The following INVS variants were observed in gnomAD, a reference collection of about 807,000 sequenced individuals.
The protein encoded by INVS is inversin, also known as inversion of embryo turning homolog.
INVS carries 86 observed loss-of-function variants against 108.8 expected under a neutral mutation model. The ratio of observed to expected loss-of-function variants is 0.79; its 90% CI spans 0.66 to 0.95. INVS has a LOEUF of 0.95. Ranked by LOEUF, INVS falls within the 40% of genes least tolerant of loss-of-function variation. The pLI, the probability that INVS is intolerant of heterozygous loss-of-function variation, is 0.00. For missense variants in INVS, 1,169 were observed against 1,297.4 expected (o/e 0.90, Z 1.52); for synonymous variants, 455 against 473.5 (o/e 0.96, Z 0.51).
chr9:100,104,489 T>G lies in INVS; in HGVS notation c.-24-9T>G. 7.6e-6 allele frequency: 11 copies of G among 1,448,796 alleles called. No homozygotes were observed. Among genetic ancestry groups the G allele is most frequent in the Non-Finnish European group, 9.7e-6 (10 of 1,029,884 alleles). The allele number at this position is 1,448,796 out of a possible 1,614,324, so 89.7% of individuals were successfully genotyped here. On this transcript the variant is annotated splice_polypyrimidine_tract_variant and intron_variant, in intron 1 of 16. Coordinates refer to ENST00000262457, the MANE Select transcript of INVS (RefSeq NM_014425.5). ...CTGCATGCGCTCATTGTCTGAATCATTGTTTCAGGTTGCTCCGGTTGCTAA... is the reference window on the plus strand; with the variant it reads ...CTGCATGCGCTCATTGTCTGAATCAGTGTTTCAGGTTGCTCCGGTTGCTAA...
In INVS at chr9:100,104,403, A is replaced by G. The variant is rs574849852; in HGVS notation, c.-24-95A>G. ...TTTCTAATCCTAGTCAAGTATTTCT[A>G]GTAAGCCATATTTATAAAATACCCA... is the stretch of plus-strand genomic sequence containing the variant. On this transcript the variant is annotated intron_variant, in intron 1 of 16. Coordinates refer to ENST00000262457, the MANE Select transcript of INVS (RefSeq NM_014425.5). The G allele has an allele frequency of 3.6e-5, 26 of 724,960 alleles. No individual in the cohort carries two copies. In the South Asian group the frequency reaches 3.7e-4, roughly 10 times the overall value. 44.9% of individuals were successfully genotyped at this position (724,960 alleles called of 1,614,324 possible).
intron 14 of INVS, among the ~76,000 whole-genome samples, chr9:100,293,883 C>T (rs1173994447): frequency 6.6e-6 from 1 of 152,162 alleles, no homozygotes; most frequent in African/African-American, 2.4e-5. Flanking sequence ...TGGGAGTTGG[C>T]CGGGCAGAGT....
intron 12 of INVS, among the ~76,000 whole-genome samples, chr9:100,280,704 T>C (rs546952881): frequency 6.6e-6 from 1 of 152,332 alleles, no homozygotes; most frequent in South Asian, 2.1e-4. Context: ...TGATTAAAGA[T>C]CTTTGACATT....
chr9:100,240,769 T>C (rs560639147), intron 6 of INVS, among the ~76,000 whole-genome samples: 6 of 152,246 alleles, frequency 3.9e-5, no homozygotes, highest in Admixed American at 1.3e-4. Flanking sequence ...GTCATTGTTA[T>C]AAGATAAATA....
intron 3 of INVS, among the ~76,000 whole-genome samples, chr9:100,217,726 C>T (rs916016365): frequency 1.3e-5 from 2 of 152,106 alleles, no homozygotes; most frequent in Admixed American, 1.3e-4. Context: ...ACTGCAAACC[C>T]CACTCTGGAA....
chr9:100,154,647 A>C (rs138053589), intron 3 of INVS, among the ~76,000 whole-genome samples: 1 of 152,084 alleles, frequency 6.6e-6, no homozygotes, highest in Admixed American at 6.6e-5. Flanking sequence ...TTTTATATAT[A>C]ACTATGAAGT....
intron 10 of INVS, among the ~76,000 whole-genome samples, chr9:100,260,811 C>T (rs543353887): frequency 6.6e-6 from 1 of 152,286 alleles, no homozygotes; most frequent in African/African-American, 2.4e-5. Flanking sequence ...CTTCCTATTG[C>T]TGGTCACTTT....
chr9:100,268,052 G>A (rs1209680540), intron 11 of INVS, among the ~76,000 whole-genome samples: 1 of 152,160 alleles, frequency 6.6e-6, no homozygotes, highest in Non-Finnish European at 1.5e-5. Context: ...CCAAGAGAGG[G>A]TTCTTGGCTC....
At chr9:100,156,702 C>G (rs1005086711) in intron 3 of INVS, among the ~76,000 whole-genome samples, 4 of 152,100 alleles carry the variant, frequency 2.6e-5, no homozygotes, top group Non-Finnish European at 5.9e-5. Context: ...TGAGGACAAT[C>G]AACTATATTG....
intron 3 of INVS, among the ~76,000 whole-genome samples, chr9:100,186,442 A>G (rs1304904763): frequency 6.6e-6 from 1 of 151,978 alleles, no homozygotes; most frequent in African/African-American, 2.4e-5. Flanking sequence ...TGAATGACCA[A>G]CCGAGCCCAG....
At chr9:100,175,050 C>T (rs941600660) in intron 3 of INVS, 1 of 198,176 alleles carries the variant, frequency 5.0e-6, no homozygotes, top group African/African-American at 2.4e-5. Flanking sequence ...CACTTCATCC[C>T]AACTTCTTCA....
intron 4 of INVS, among the ~76,000 whole-genome samples, chr9:100,227,558 T>A (rs1398398974): frequency 6.6e-6 from 1 of 152,210 alleles, no homozygotes; most frequent in Admixed American, 6.5e-5. Context: ...TTCAAGATGA[T>A]CATTTTCAAC....
At chr9:100,157,513 G>C (rs1423984762) in intron 3 of INVS, among the ~76,000 whole-genome samples, 1 of 151,932 alleles carries the variant, frequency 6.6e-6, no homozygotes, top group Non-Finnish European at 1.5e-5. Context: ...TGATCCGCCC[G>C]CCTCGGCCTC....
chr9:100,302,117 T>C lies in INVS; in HGVS notation c.*1443T>C. 1.2e-6 allele frequency: 1 copy of C among 863,720 alleles called. No individual in the cohort carries two copies. Among genetic ancestry groups the C allele is most frequent in the Non-Finnish European group, 1.7e-6 (1 of 572,888 alleles). The allele number at this position is 863,720 out of a possible 1,614,324, so 53.5% of individuals were successfully genotyped here. A position where few individuals can be genotyped will look rare whatever the true frequency, so the allele number is the denominator to read the frequency against. The stretch of plus-strand genomic sequence containing the variant: ...AAGTTCAGCTTTAATGACAAAGATC[T>C]ATTACATCAGTCTTTTTCTTCAAAT... On this transcript the variant is annotated 3_prime_UTR_variant, in exon 17 of 17. Transcript: ENST00000262457.
rs2119043433 is a variant in INVS at position 100,172,532 on chromosome 9, A to G, written c.273+45983A>G. Among the ~76,000 whole-genome samples the G allele has an allele frequency of 2.0e-5, 3 of 152,318 alleles. No individual in the cohort carries two copies. In the South Asian group the frequency reaches 6.2e-4, roughly 32 times the overall value. On this transcript the variant is annotated intron_variant, in intron 3 of 16. Transcript: ENST00000262457. Reference sequence around the variant, plus strand: ...ACTTTGGAATCTATTAATGAGATATAGCATTTAACTCAGCAAGAAAGGACA... The same window carrying G: ...ACTTTGGAATCTATTAATGAGATATGGCATTTAACTCAGCAAGAAAGGACA...
At chr9:100,206,896 C>G (rs1437243442) in intron 3 of INVS, among the ~76,000 whole-genome samples, 7 of 152,048 alleles carry the variant, frequency 4.6e-5, no homozygotes, top group African/African-American at 1.7e-4. Flanking sequence ...TGTACAGTAG[C>G]CTTCCTTTTT....
intron 3 of INVS, among the ~76,000 whole-genome samples, chr9:100,210,105 G>A (rs1028663102): frequency 4.6e-5 from 7 of 152,170 alleles, no homozygotes; most frequent in Non-Finnish European, 1.0e-4. Flanking sequence ...GGCTGGGTTA[G>A]GTGCCCCTCT....
chr9:100,266,184 A>G (rs1167623437), intron 11 of INVS, among the ~76,000 whole-genome samples: 1 of 152,176 alleles, frequency 6.6e-6, no homozygotes, highest in Non-Finnish European at 1.5e-5. Flanking sequence ...TGAGTTTGTG[A>G]TCACACTTCC....
chr9:100,137,032 T>C (rs1053707286), intron 3 of INVS, among the ~76,000 whole-genome samples: 1 of 151,924 alleles, frequency 6.6e-6, no homozygotes, highest in Non-Finnish European at 1.5e-5. Context: ...AGAGGGAGAC[T>C]CCTTCTCAAA....
Sources: allele counts gnomAD v4.1 joint callset (sites outside exome capture counted in the v4.1 genomes callset), GRCh38; gene constraint gnomAD v4.1.1; transcripts MANE v1.5; gene names NCBI Gene and HGNC (gene_info 2026-07-23, HGNC 2026-07-21).